The following BCAS1 variants were observed in gnomAD, a reference collection of about 807,000 sequenced individuals.
The protein encoded by BCAS1 is breast carcinoma-amplified sequence 1.
In BCAS1, 46 loss-of-function variants were observed where a neutral mutation model predicts 65.4. The observed-to-expected ratio is 0.70, with a 90% CI of 0.55 to 0.90. The LOEUF is 0.90. Among genes scored for constraint, BCAS1 ranks in the 40% least tolerant of loss-of-function variants. The pLI is 0.00. For synonymous variants in BCAS1, 298 were observed against 293.5 expected (o/e 1.02, Z -0.16); for missense variants, 793 against 771.2 (o/e 1.03, Z -0.33).
In BCAS1 at chr20:54,058,711, T is replaced by C. The variant is rs1023961675; in HGVS notation, c.8A>G (p.Asn3Ser). 2.5e-6 allele frequency: 4 copies of C among 1,611,998 alleles called. No homozygotes were observed. The highest frequency in any genetic ancestry group is 3.4e-6 in the Non-Finnish European group (4 of 1,179,584). The change falls in exon 2 of 13, where the codon AAC becomes AGC. Residue 3 changes from asparagine (N) to serine (S), a missense_variant. Coordinates refer to ENST00000688948, the MANE Select transcript of BCAS1 (RefSeq NM_001366298.2). MG[N>S]QMSVPQRVED... ...AACTCTTTGGGGAACACTCATTTGG[T>C]TACCCATTGCTCCTATAATGGAGAG...
chr20:54,069,346 T>C (rs1165610149), intron 1 of BCAS1, among the ~76,000 whole-genome samples: 1 of 152,222 alleles, frequency 6.6e-6, no homozygotes, highest in African/African-American at 2.4e-5. Flanking sequence ...CCTGATCTTA[T>C]CTTTCTGTAA....
At chr20:53,984,081 C>T (rs1396648133) in intron 8 of BCAS1, among the ~76,000 whole-genome samples, 3 of 152,136 alleles carry the variant, frequency 2.0e-5, no homozygotes, top group Non-Finnish European at 2.9e-5. Context: ...GCAAAACATA[C>T]GTTAATCTCA....
intron 3 of BCAS1, among the ~76,000 whole-genome samples, chr20:54,045,966 C>T (rs906579411): frequency 5.9e-5 from 9 of 151,872 alleles, no homozygotes; most frequent in African/African-American, 1.9e-4. Context: ...CTTGGGTGTC[C>T]TTGGAGGGGG....
chr20:53,979,090 C>G (rs1026105381), intron 8 of BCAS1, among the ~76,000 whole-genome samples: 2 of 152,102 alleles, frequency 1.3e-5, no homozygotes, highest in African/African-American at 4.8e-5. Context: ...CATGAAGACC[C>G]TCATTTACAT....
At chr20:54,066,159 G>A (rs960782467) in intron 1 of BCAS1, among the ~76,000 whole-genome samples, 10 of 150,888 alleles carry the variant, frequency 6.6e-5, no homozygotes, top group Admixed American at 5.3e-4. Flanking sequence ...TGCAAGCTCC[G>A]TCTCCCGGGT....
chr20:53,948,107 G>A (rs1029980641), intron 12 of BCAS1, among the ~76,000 whole-genome samples: 1 of 152,030 alleles, frequency 6.6e-6, no homozygotes, highest in East Asian at 1.9e-4. Context: ...GGCTGGCCAC[G>A]GGTGGCAGCC....
chr20:53,993,246 G>A (rs1030904557), intron 6 of BCAS1, among the ~76,000 whole-genome samples: 1 of 152,190 alleles, frequency 6.6e-6, no homozygotes, highest in Admixed American at 6.5e-5. Flanking sequence ...GATCGAAACC[G>A]AAATAGCCTG....
chr20:53,985,544 C>CA, intron 7 of BCAS1, 45 bp from the exon 8 acceptor site: 1 of 1,563,720 alleles, frequency 6.4e-7, no homozygotes, highest in Non-Finnish European at 8.8e-7. Flanking sequence ...AAAATGGTCT[C>CA]AAAATTTTAA....
intron 3 of BCAS1, among the ~76,000 whole-genome samples, chr20:54,056,863 A>G (rs2092304496): frequency 1.3e-5 from 2 of 152,242 alleles, no homozygotes; most frequent in South Asian, 2.1e-4. Flanking sequence ...AGCACTTATT[A>G]TCAGTCAGGC....
rs1404406851 is a variant in BCAS1 at position 54,041,264 on chromosome 20, A to G, written c.143-12292T>C. On this transcript the variant is annotated intron_variant, in intron 3 of 12. Transcript: ENST00000688948. Reference sequence around the variant, plus strand: ...AATTAGACGTGGAACGATTGCACACATGGTGCAAATATCCTTAAAATCACG... The same window carrying G: ...AATTAGACGTGGAACGATTGCACACGTGGTGCAAATATCCTTAAAATCACG... 2.6e-5 allele frequency among the ~76,000 whole-genome samples: 4 copies of G among 151,292 alleles called. 1 individual carries two copies. Among genetic ancestry groups the G allele is most frequent in the Non-Finnish European group, 5.9e-5 (4 of 67,620 alleles).
At chr20:54,020,402 C>G (rs2091531251) in intron 4 of BCAS1, among the ~76,000 whole-genome samples, 1 of 151,996 alleles carries the variant, frequency 6.6e-6, no homozygotes, top group Non-Finnish European at 1.5e-5. Flanking sequence ...TTTAAAATAC[C>G]AAGTAGATAG....
chr20:54,040,147 A>T (rs2091965063), intron 3 of BCAS1, among the ~76,000 whole-genome samples: 1 of 151,466 alleles, frequency 6.6e-6, no homozygotes, highest in African/African-American at 2.4e-5. Context: ...CGTGTTCAAA[A>T]ATCCTAAACT....
chr20:53,970,580 T>A (rs1420051958), intron 9 of BCAS1, among the ~76,000 whole-genome samples: 1 of 152,242 alleles, frequency 6.6e-6, no homozygotes, highest in African/African-American at 2.4e-5. Context: ...AAGTCAGATG[T>A]GCGCTACATT....
intron 4 of BCAS1, among the ~76,000 whole-genome samples, chr20:54,020,174 C>T (rs1487590366): frequency 6.6e-6 from 1 of 152,106 alleles, no homozygotes; most frequent in African/African-American, 2.4e-5. Context: ...CAATTTCCAC[C>T]CTGCCACTTT....
chr20:54,000,343 T>G (rs1262743872), intron 4 of BCAS1, among the ~76,000 whole-genome samples: 2 of 147,814 alleles, frequency 1.4e-5, no homozygotes, highest in Non-Finnish European at 1.5e-5. Flanking sequence ...AGAATTATAT[T>G]AAAACTCTCA....
At chr20:53,994,711 A>T (rs1451457383) in intron 6 of BCAS1, among the ~76,000 whole-genome samples, 2 of 152,098 alleles carry the variant, frequency 1.3e-5, no homozygotes, top group Admixed American at 6.6e-5. Flanking sequence ...TGATATAATT[A>T]TTAGTATTCT....
intron 4 of BCAS1, among the ~76,000 whole-genome samples, chr20:54,020,183 T>G (rs1246378372): frequency 1.3e-5 from 2 of 152,220 alleles, no homozygotes; most frequent in Non-Finnish European, 2.9e-5. Flanking sequence ...CCCTGCCACT[T>G]TCTAGCACTA....
chr20:53,975,331 T>C (rs1360158800), intron 9 of BCAS1, 58 bp downstream of exon 9: 1 of 1,528,626 alleles, frequency 6.5e-7, no homozygotes, highest in East Asian at 2.3e-5. Context: ...AATGCCCAAT[T>C]GTACAACATG....
intron 1 of BCAS1, among the ~76,000 whole-genome samples, chr20:54,065,434 C>T (rs2092427909): frequency 6.6e-6 from 1 of 152,206 alleles, no homozygotes; most frequent in South Asian, 2.1e-4. Context: ...TTGGAAATGC[C>T]TGCATGCAGT....
Sources: allele counts gnomAD v4.1 joint callset (sites outside exome capture counted in the v4.1 genomes callset), GRCh38; gene constraint gnomAD v4.1.1; transcripts MANE v1.5; gene names NCBI Gene and HGNC (gene_info 2026-07-23, HGNC 2026-07-21).